The following MIPOL1 variants were observed in gnomAD, a reference collection of about 807,000 sequenced individuals.
MIPOL1 encodes the protein mirror-image polydactyly 1.
Under a neutral mutation model 60.9 loss-of-function variants are expected in MIPOL1, and 57 were observed. The observed-to-expected ratio is 0.94, with a 90% CI of 0.76 to 1.17. MIPOL1 has a LOEUF of 1.17. Ranked by LOEUF, MIPOL1 falls within the 50% of genes most tolerant of loss-of-function variation. The pLI is 0.00. For missense variants in MIPOL1, 551 were observed against 511.6 expected, an observed-to-expected ratio of 1.08 and a Z score of -0.74; for synonymous variants, 179 against 168.8, an observed-to-expected ratio of 1.06 and a Z score of -0.47.
intron 6 of MIPOL1, among the ~76,000 whole-genome samples, chr14:37,282,711 T>C (rs1449627527): frequency 8.1e-6 from 1 of 123,808 alleles, no homozygotes; most frequent in African/African-American, 3.1e-5. Flanking sequence ...ATTGTGCCAC[T>C]GCACTCAGCG....
At chr14:37,448,036 A>T (rs2094363230) in intron 11 of MIPOL1, among the ~76,000 whole-genome samples, 1 of 152,138 alleles carries the variant, frequency 6.6e-6, no homozygotes, top group Admixed American at 6.6e-5. Context: ...ACTTTTGAGT[A>T]CCTCTCATTA....
chr14:37,273,450 A>G (rs1594845476), intron 6 of MIPOL1, among the ~76,000 whole-genome samples: 1 of 151,452 alleles, frequency 6.6e-6, no homozygotes, highest in Non-Finnish European at 1.5e-5. Context: ...TATGAAAACC[A>G]TATGATGGCT....
chr14:37,374,326 C>G (rs1212845169), intron 10 of MIPOL1, among the ~76,000 whole-genome samples: 1 of 152,108 alleles, frequency 6.6e-6, no homozygotes, highest in Non-Finnish European at 1.5e-5. Flanking sequence ...TTCTCCCATT[C>G]TGTAGGTTGC....
chr14:37,275,034 A>T (rs2083549396), intron 6 of MIPOL1, among the ~76,000 whole-genome samples: 2 of 151,210 alleles, frequency 1.3e-5, no homozygotes, highest in Admixed American at 6.6e-5. Flanking sequence ...TTTATTTATT[A>T]TTTAATTTGA....
At chr14:37,474,895 G>A (rs1400641577) in intron 11 of MIPOL1, among the ~76,000 whole-genome samples, 2 of 152,044 alleles carry the variant, frequency 1.3e-5, no homozygotes, top group African/African-American at 4.8e-5. Flanking sequence ...CCTCTTATAT[G>A]CTTACTTAAC....
At chr14:37,505,916 A>G (rs950161455) in intron 12 of MIPOL1, 1 of 152,014 alleles carries the variant, frequency 6.6e-6, no homozygotes, top group Non-Finnish European at 1.5e-5. Flanking sequence ...GTCTCAGGAT[A>G]TAAAATCAAT....
At chr14:37,298,212 A>C (rs2085963204) in intron 7 of MIPOL1, among the ~76,000 whole-genome samples, 1 of 152,228 alleles carries the variant, frequency 6.6e-6, no homozygotes, top group Non-Finnish European at 1.5e-5. Context: ...AGGATTCCCT[A>C]TTTAATAAAT....
chr14:37,452,914 C>T (rs1426396592), intron 11 of MIPOL1, among the ~76,000 whole-genome samples: 1 of 152,178 alleles, frequency 6.6e-6, no homozygotes, highest in East Asian at 1.9e-4. Context: ...TGTTCATTCT[C>T]TCTTCCTTAA....
At chr14:37,446,801 A>G (rs955840512) in intron 11 of MIPOL1, among the ~76,000 whole-genome samples, 49 of 152,252 alleles carry the variant, frequency 3.2e-4, no homozygotes, top group Non-Finnish European at 6.2e-4. Context: ...GGAAATCATT[A>G]TTCTCAGCAA....
intron 9 of MIPOL1, among the ~76,000 whole-genome samples, chr14:37,360,548 G>T (rs966439986): frequency 1.3e-5 from 2 of 152,152 alleles, no homozygotes; most frequent in Admixed American, 6.5e-5. Context: ...AGTCTTGGGA[G>T]GGTGTACGTG....
chr14:37,384,850 T>C (rs1430270661), intron 10 of MIPOL1, among the ~76,000 whole-genome samples: 1 of 152,040 alleles, frequency 6.6e-6, no homozygotes, highest in Non-Finnish European at 1.5e-5. Context: ...GATATTTCAG[T>C]GTTTGAAAAT....
At chr14:37,475,963 T>C (rs2094767033) in intron 11 of MIPOL1, among the ~76,000 whole-genome samples, 2 of 152,188 alleles carry the variant, frequency 1.3e-5, no homozygotes, top group South Asian at 4.1e-4. Context: ...AATAATTTGC[T>C]GGAATTTTTA....
chr14:37,535,939 T>G (rs150879788), intron 12 of MIPOL1, among the ~76,000 whole-genome samples: 1 of 152,218 alleles, frequency 6.6e-6, no homozygotes, highest in Non-Finnish European at 1.5e-5. Context: ...CTTGCTCTGT[T>G]ACCCAGGCTG....
chr14:37,486,504 C>T (rs1430629955), intron 11 of MIPOL1, among the ~76,000 whole-genome samples: 2 of 152,164 alleles, frequency 1.3e-5, no homozygotes, highest in Non-Finnish European at 2.9e-5. Context: ...TCTCTTATTT[C>T]CTTGAGCAAT....
chr14:37,455,431 A>G (rs752675098), intron 11 of MIPOL1, among the ~76,000 whole-genome samples: 11 of 151,988 alleles, frequency 7.2e-5, no homozygotes, highest in Non-Finnish European at 1.5e-4. Flanking sequence ...TTCCATTTCC[A>G]CAGGATAATA....
chr14:37,428,297 T>C lies in MIPOL1; in HGVS notation c.1031+5348T>C, dbSNP rs112296257. 7.3e-3 allele frequency among the ~76,000 whole-genome samples: 1,110 copies of C among 152,276 alleles called. 15 individuals carry two copies. Among genetic ancestry groups the C allele is most frequent in the African/African-American group, 0.025 (1,041 of 41,566 alleles). On this transcript the variant is annotated intron_variant, in intron 11 of 12. Transcript: ENST00000684589. ...TGATGGCTTTCATTCTACCTTTCCT[T>C]TGATTTTACTAATTAGTGGCCGGGC...
intron 11 of MIPOL1, among the ~76,000 whole-genome samples, chr14:37,429,076 T>A (rs2094015576): frequency 6.6e-6 from 1 of 152,220 alleles, no homozygotes; most frequent in Non-Finnish European, 1.5e-5. Context: ...CTTTCATTAA[T>A]CTAAATCTAG....
intron 10 of MIPOL1, among the ~76,000 whole-genome samples, chr14:37,384,860 T>C (rs1158740909): frequency 1.3e-5 from 2 of 152,002 alleles, no homozygotes; most frequent in African/African-American, 4.8e-5. Context: ...TGTTTGAAAA[T>C]TGATTCCATA....
chr14:37,335,283 A>G (rs2090023698), intron 9 of MIPOL1, among the ~76,000 whole-genome samples: 2 of 152,092 alleles, frequency 1.3e-5, no homozygotes, highest in Non-Finnish European at 2.9e-5. Context: ...ATAAATATAC[A>G]TAACATAAAA....
Sources: gnomAD v4.1 joint callset for allele counts (sites outside exome capture counted in the v4.1 genomes callset) on GRCh38, gnomAD v4.1.1 for gene constraint, MANE v1.5 for transcripts, NCBI Gene and HGNC (gene_info 2026-07-23, HGNC 2026-07-21) for gene names.